Variants in CACNA1D observed in about 807,000 individuals in gnomAD.
CACNA1D encodes the protein calcium voltage-gated channel subunit alpha1 D.
In CACNA1D, 55 loss-of-function variants were observed where a neutral mutation model predicts 257.1. That is an observed-to-expected ratio of 0.21 (90% CI 0.17 to 0.27). CACNA1D has a LOEUF of 0.27. Ranked by LOEUF, CACNA1D falls within the 10% of genes least tolerant of loss-of-function variation. CACNA1D has a pLI of 1.00. For synonymous variants in CACNA1D, 980 were observed against 1,014.9 expected (o/e 0.97, Z 0.65); for missense variants, 1,876 against 2,784.0 (o/e 0.67, Z 7.34).
chr3:53,497,063 A>G, intron 1 of CACNA1D, 89 bp from the exon 2 acceptor site: 1 of 966,766 alleles, frequency 1.0e-6, no homozygotes, highest in Non-Finnish European at 1.6e-6. Context: ...TTCCCCTGTT[A>G]TTGATGGGAG....
At chr3:53,806,638 G>A (rs3774611) in intron 45 of CACNA1D, among the ~76,000 whole-genome samples, 62,544 of 152,086 alleles carry the variant, frequency 0.41, 14,920 homozygotes, top group South Asian at 0.58. Flanking sequence ...AAAAATAGCC[G>A]TGACACATCG....
chr3:53,564,436 G>C (rs747500418), intron 3 of CACNA1D, among the ~76,000 whole-genome samples: 2 of 152,068 alleles, frequency 1.3e-5, no homozygotes, highest in Non-Finnish European at 2.9e-5. Context: ...GCTGGGATTT[G>C]CTGGGTTGTC....
At position 53,696,267 on chromosome 3, in the gene CACNA1D, CTTGTAGCCTGGTT is replaced by C. The variant is rs2094572435; in HGVS notation, c.1221-6370_1221-6358del. 1.3e-5 allele frequency among the ~76,000 whole-genome samples: 2 copies of C among 152,252 alleles called. 1 individual carries two copies. ...TCAGGCGTGAGCCTCTGTGTCTGGC[CTTGTAGCCTGGTT>C]TTGATCCTCATCCTCCTGGTGTCTA... On this transcript the variant is annotated intron_variant, in intron 8 of 47. Transcript: ENST00000350061.
At chr3:53,672,874 G>C in intron 7 of CACNA1D, 149 bp from the exon 8 acceptor site, 1 of 540,134 alleles carries the variant, frequency 1.9e-6, no homozygotes, top group East Asian at 3.5e-5. Flanking sequence ...GTTGGCTGCT[G>C]TTGTCTCTGA....
At chr3:53,521,229 A>G (rs1410897507) in intron 3 of CACNA1D, among the ~76,000 whole-genome samples, 1 of 151,680 alleles carries the variant, frequency 6.6e-6, no homozygotes, top group African/African-American at 2.4e-5. Context: ...TTTTGTAGAG[A>G]TGGGGGTCCT....
At chr3:53,652,759 T>A (rs1468587101) in intron 4 of CACNA1D, among the ~76,000 whole-genome samples, 1 of 152,214 alleles carries the variant, frequency 6.6e-6, no homozygotes, top group Non-Finnish European at 1.5e-5. Context: ...CCACCTATTT[T>A]TATAAATAAA....
chr3:53,656,704 C>A (rs1053933487), intron 4 of CACNA1D, among the ~76,000 whole-genome samples: 2 of 152,136 alleles, frequency 1.3e-5, no homozygotes, highest in African/African-American at 4.8e-5. Flanking sequence ...AGAACTCTTA[C>A]AACCCAATAG....
In CACNA1D at chr3:53,813,231, A is replaced by ACACTT. The variant is rs1480271869; in HGVS notation, c.*1828_*1832dup. On this transcript the variant is annotated 3_prime_UTR_variant, in exon 48 of 48. Coordinates refer to ENST00000350061, the MANE Select transcript of CACNA1D (RefSeq NM_001128840.3). Reference sequence around the variant, plus strand: ...CATTCTTACTCTGATCCAGGCAAAAACACTTCAAGGTTTGTAAATGACTCT... The same window carrying ACACTT: ...CATTCTTACTCTGATCCAGGCAAAAACACTTCACTTCAAGGTTTGTAAATGACTCT... 1 of 151,702 alleles carries ACACTT rather than the reference A, an allele frequency of 6.6e-6. No homozygotes were observed. The highest frequency in any genetic ancestry group is 1.9e-4 in the East Asian group (1 of 5,172). The allele number at this position is 151,702 out of a possible 1,614,324, so 9.4% of individuals were successfully genotyped here.
At chr3:53,516,482 C>T (rs760078783) in intron 3 of CACNA1D, among the ~76,000 whole-genome samples, 2 of 152,246 alleles carry the variant, frequency 1.3e-5, no homozygotes, top group African/African-American at 2.4e-5. Context: ...GGCTCACCCA[C>T]AGCATAGCGC....
At chr3:53,730,973 T>G in intron 16 of CACNA1D, 104 bp from the exon 17 acceptor site, 1 of 753,240 alleles carries the variant, frequency 1.3e-6, no homozygotes, top group Non-Finnish European at 2.3e-6. Context: ...TCTAATTAAA[T>G]TCTGTCCTTC....
At position 53,660,158 on chromosome 3, in the gene CACNA1D, T is replaced by C. The variant is rs1263485007; in HGVS notation, c.649T>C (p.Leu217=). 9 of 1,613,910 alleles carry C rather than the reference T, an allele frequency of 5.6e-6. No individual in the cohort carries two copies. The highest frequency in any genetic ancestry group is 1.3e-5 in the African/African-American group (1 of 74,934). Residue 217 remains leucine, a synonymous_variant, in exon 5 of 48, where the codon TTA becomes CTA. Coordinates refer to ENST00000350061, the MANE Select transcript of CACNA1D (RefSeq NM_001128840.3). ...VGLFSVILEQ[L]TKETEGGNHS... ...ATTGTTTAGTGTAATTTTGGAACAA[T>C]TAACCAAAGAAACAGAAGGCGGGAA...
intron 3 of CACNA1D, among the ~76,000 whole-genome samples, chr3:53,581,284 C>G (rs1267195906): frequency 1.3e-5 from 2 of 152,110 alleles, no homozygotes; most frequent in African/African-American, 2.4e-5. Context: ...GTCATTTTAC[C>G]TAAATAAAGA....
In CACNA1D at chr3:53,495,177, T is replaced by C. The variant is rs1318703211; in HGVS notation, c.11T>C (p.Met4Thr). The C allele has an allele frequency of 6.2e-7, 1 of 1,612,980 alleles. No homozygotes were observed. Among genetic ancestry groups the C allele is most frequent in the Non-Finnish European group, 8.5e-7 (1 of 1,179,696 alleles). MMMMMMMKKMQHQR... is the reference protein window; with the variant it reads MMMTMMMKKMQHQR... The stretch of plus-strand genomic sequence containing the variant: ...AATAAATGTTCGTGGATGATGATGA[T>C]GATGATGATGAAAAAAATGCAGCAT... Residue 4 changes from methionine (M) to threonine (T), a missense_variant, in exon 1 of 48, where the codon ATG (methionine) becomes ACG (threonine). This residue lies in a region of CACNA1D where 143 missense variants were observed against 168.7 expected (regional missense o/e 0.85). Transcript: ENST00000350061. The surrounding 1 kb of genome is among the most constrained non-coding windows in gnomAD (Gnocchi z 5.1).
intron 1 of CACNA1D, among the ~76,000 whole-genome samples, chr3:53,496,556 G>C (rs895489430): frequency 6.6e-6 from 1 of 152,236 alleles, no homozygotes; most frequent in Admixed American, 6.5e-5. Flanking sequence ...TTTGCAGGAA[G>C]TGTCAGTGCA....
chr3:53,747,090 G>A (rs1403424448), intron 25 of CACNA1D, among the ~76,000 whole-genome samples: 1 of 152,170 alleles, frequency 6.6e-6, no homozygotes, highest in East Asian at 1.9e-4. Flanking sequence ...CGTTGCACTG[G>A]TAGTTATTCA....
chr3:53,633,792 G>A (rs959449029), intron 3 of CACNA1D, among the ~76,000 whole-genome samples: 1 of 152,236 alleles, frequency 6.6e-6, no homozygotes, highest in Non-Finnish European at 1.5e-5. Flanking sequence ...TGTAAAAAGT[G>A]TAAGACTGGA....
intron 3 of CACNA1D, among the ~76,000 whole-genome samples, chr3:53,619,622 C>T (rs1010278233): frequency 2.0e-5 from 3 of 152,196 alleles, no homozygotes; most frequent in African/African-American, 7.2e-5. Context: ...ATGTCCTTTC[C>T]CTAACATGTC....
intron 11 of CACNA1D, among the ~76,000 whole-genome samples, chr3:53,720,711 A>G (rs1036171446): frequency 5.9e-5 from 9 of 152,254 alleles, no homozygotes; most frequent in African/African-American, 1.9e-4. Flanking sequence ...CTACACATCT[A>G]TTAGAGTGAA....
intron 19 of CACNA1D, 60 bp from the exon 20 acceptor site, chr3:53,735,314 A>G (rs113480526): frequency 1.9e-5 from 29 of 1,539,752 alleles, no homozygotes; most frequent in African/African-American, 1.5e-4. Flanking sequence ...CACACTCTTA[A>G]GGACCCAGTG....
Sources: allele counts gnomAD v4.1 joint callset (sites outside exome capture counted in the v4.1 genomes callset), GRCh38; gene constraint gnomAD v4.1.1; regional missense constraint gnomAD v4.1.1; non-coding constraint Gnocchi (gnomAD v3.1); transcripts MANE v1.5; gene names NCBI Gene and HGNC (gene_info 2026-07-23, HGNC 2026-07-21).